The following MVB12B variants were observed in gnomAD, a reference collection of about 807,000 sequenced individuals.
The protein encoded by MVB12B is ESCRT-I complex subunit MVB12B.
Under a neutral mutation model 41.6 loss-of-function variants are expected in MVB12B, and 16 were observed. The ratio of observed to expected loss-of-function variants is 0.38; its 90% CI spans 0.26 to 0.58. MVB12B has a LOEUF of 0.58. Among genes scored for constraint, MVB12B ranks in the 20% least tolerant of loss-of-function variants. MVB12B has a pLI of 0.62. For synonymous variants in MVB12B, 133 were observed against 139.7 expected (o/e 0.95, Z 0.34); for missense variants, 274 against 380.2 (o/e 0.72, Z 2.32).
At chr9:126,492,345 C>T (rs557519022) in intron 9 of MVB12B, among the ~76,000 whole-genome samples, 18 of 151,768 alleles carry the variant, frequency 1.2e-4, no homozygotes, top group East Asian at 7.8e-4. Context: ...ACAATTACAC[C>T]GCTGCAATAG....
Position 126,340,530 on chromosome 9 carries a change from T to G in MVB12B, c.104T>G (p.Val35Gly). The change falls in exon 2 of 10, where the codon GTC becomes GGC. Residue 35 changes from valine (V) to glycine (G), a missense_variant. Val to Gly is a moderately radical substitution (Grantham distance 109). Coordinates refer to ENST00000361171, the MANE Select transcript of MVB12B (RefSeq NM_033446.3). The surrounding 1 kb of genome is among the most constrained non-coding windows in gnomAD (Gnocchi z 4.0). ...CAGGACCAGTCCACCATGCCTGAAGTCAAAGACCTCTCAGAAGCCTTGCCA... is the reference window on the plus strand; with the variant it reads ...CAGGACCAGTCCACCATGCCTGAAGGCAAAGACCTCTCAGAAGCCTTGCCA... ...RGTDQSTMPE[V>G]KDLSEALPET... 1 of 1,614,166 alleles carries G rather than the reference T, an allele frequency of 6.2e-7. No homozygotes were observed. The highest frequency in any genetic ancestry group is 8.5e-7 in the Non-Finnish European group (1 of 1,179,998).
rs185876756 is a variant in MVB12B, at chr9:126,428,633, T to A, written c.757+6685T>A. Among the ~76,000 whole-genome samples, 292 of 152,342 alleles carry A rather than the reference T, an allele frequency of 1.9e-3. 1 individual carries two copies. The highest frequency in any genetic ancestry group is 6.9e-3 in the African/African-American group (288 of 41,572). ...GTGCTTGAGAAGCGCTGTTCTCTCC[T>A]GTGTCAGGTGTGCTAACACAACTGC... On this transcript the variant is annotated intron_variant, in intron 7 of 9. Transcript: ENST00000361171.
chr9:126,475,108 T>C (rs753950568), intron 7 of MVB12B, among the ~76,000 whole-genome samples: 4 of 151,226 alleles, frequency 2.6e-5, no homozygotes, highest in Non-Finnish European at 5.9e-5. Flanking sequence ...CAGTTGGGTT[T>C]TCGGACCTAC....
intron 2 of MVB12B, among the ~76,000 whole-genome samples, chr9:126,366,474 C>G (rs985056196): frequency 1.3e-5 from 2 of 152,218 alleles, no homozygotes; most frequent in South Asian, 4.1e-4. Flanking sequence ...AACTATTGTC[C>G]ACACTTTAAC....
At chr9:126,470,502 A>G (rs987745151) in intron 7 of MVB12B, among the ~76,000 whole-genome samples, 8 of 152,030 alleles carry the variant, frequency 5.3e-5, no homozygotes, top group Non-Finnish European at 7.4e-5. Flanking sequence ...TGGACCCTGG[A>G]GGGAGGGACT....
At chr9:126,390,296 A>C (rs552511466) in intron 4 of MVB12B, among the ~76,000 whole-genome samples, 23 of 152,308 alleles carry the variant, frequency 1.5e-4, no homozygotes, top group Admixed American at 6.5e-5. Flanking sequence ...CATCCAACCC[A>C]CATCCCTGTG....
chr9:126,472,590 C>T (rs773605391), intron 7 of MVB12B, among the ~76,000 whole-genome samples: 86 of 152,144 alleles, frequency 5.7e-4, no homozygotes, highest in African/African-American at 1.9e-3. Context: ...CATTCACAAT[C>T]CCCTTGACTT....
At chr9:126,432,862 G>C (rs576708432) in intron 7 of MVB12B, among the ~76,000 whole-genome samples, 1 of 152,324 alleles carries the variant, frequency 6.6e-6, no homozygotes, top group East Asian at 1.9e-4. Flanking sequence ...ATGGCACACA[G>C]ACCTGGAGTG....
chr9:126,356,418 G>T (rs940351901), intron 2 of MVB12B, among the ~76,000 whole-genome samples: 3 of 152,018 alleles, frequency 2.0e-5, no homozygotes, highest in Admixed American at 6.6e-5. Context: ...TACGTGTTTG[G>T]TTTCTGTTGC....
intron 7 of MVB12B, among the ~76,000 whole-genome samples, chr9:126,447,132 A>G (rs1832792541): frequency 6.7e-6 from 1 of 150,372 alleles, no homozygotes; most frequent in South Asian, 2.1e-4. Context: ...TTTAGTAGAG[A>G]TGGGGTTTCA....
At chr9:126,351,607 GC>G in intron 2 of MVB12B, among the ~76,000 whole-genome samples, 1 of 148,172 alleles carries the variant, frequency 6.7e-6, no homozygotes, top group Non-Finnish European at 1.5e-5. Context: ...TCCTGCCTCA[GC>G]CCCCAAAGTA....
intron 7 of MVB12B, among the ~76,000 whole-genome samples, chr9:126,475,442 G>A (rs1033279054): frequency 6.6e-6 from 1 of 152,184 alleles, no homozygotes; most frequent in Non-Finnish European, 1.5e-5. Context: ...TGTGTACATG[G>A]ATAACATGAG....
Position 126,342,914 on chromosome 9 carries a change from C to T in MVB12B, c.204+2284C>T, listed in dbSNP as rs1393310966. On this transcript the variant is annotated intron_variant, in intron 2 of 9. Transcript: ENST00000361171. Reference sequence around the variant, plus strand: ...GAGGAAGCCCTGCTGCGGATTGGGCCGAGACCTCTCTCTGTCTGTTGTAGC... The same window carrying T: ...GAGGAAGCCCTGCTGCGGATTGGGCTGAGACCTCTCTCTGTCTGTTGTAGC... Among the ~76,000 whole-genome samples the T allele has an allele frequency of 2.6e-5, 4 of 152,164 alleles. No homozygotes were observed. The East Asian group carries it at 5.8e-4, about 22-fold the overall frequency.
intron 3 of MVB12B, among the ~76,000 whole-genome samples, chr9:126,384,656 G>A (rs954150663): frequency 4.6e-5 from 7 of 151,954 alleles, no homozygotes; most frequent in African/African-American, 1.7e-4. Flanking sequence ...AGCCTCCCAA[G>A]TAGCTGGGAC....
chr9:126,493,927 G>A (rs982459604), intron 9 of MVB12B, among the ~76,000 whole-genome samples: 1 of 152,156 alleles, frequency 6.6e-6, no homozygotes, highest in African/African-American at 2.4e-5. Context: ...GAATGCTGAG[G>A]CCTCCATCCT....
intron 6 of MVB12B, among the ~76,000 whole-genome samples, chr9:126,399,373 G>C (rs964822693): frequency 1.3e-5 from 2 of 152,248 alleles, no homozygotes; most frequent in Non-Finnish European, 2.9e-5. Context: ...ACAGGAGAGA[G>C]CTGGCCTGGG....
In MVB12B at chr9:126,392,881, A is replaced by G. The variant is rs902581296; in HGVS notation, c.539+686A>G. ...TGTGCAGCTGGAAGAGCCAGGGACA[A>G]TGTTGGGACAAGGGCGAGGGTTGGC... On this transcript the variant is annotated intron_variant, in intron 5 of 9. Transcript: ENST00000361171. The surrounding 1 kb of genome is among the most constrained non-coding windows in gnomAD (Gnocchi z 4.8). Among the ~76,000 whole-genome samples, 5 of 152,214 alleles carry G rather than the reference A, an allele frequency of 3.3e-5. No individual in the cohort carries two copies. The highest frequency in any genetic ancestry group is 7.2e-5 in the African/African-American group (3 of 41,448).
At chr9:126,475,066 G>C (rs1269209913) in intron 7 of MVB12B, among the ~76,000 whole-genome samples, 1 of 152,184 alleles carries the variant, frequency 6.6e-6, no homozygotes, top group Non-Finnish European at 1.5e-5. Flanking sequence ...GTCTCCTGCT[G>C]TTATTCCACG....
chr9:126,483,382 A>G (rs944868540), intron 8 of MVB12B, among the ~76,000 whole-genome samples: 2 of 152,208 alleles, frequency 1.3e-5, no homozygotes, highest in African/African-American at 2.4e-5. Flanking sequence ...TTAAAATGCA[A>G]TGTTATCATT....
Sources: gnomAD v4.1 joint callset for allele counts (sites outside exome capture counted in the v4.1 genomes callset) on GRCh38, gnomAD v4.1.1 for gene constraint, Gnocchi (gnomAD v3.1) non-coding constraint, MANE v1.5 for transcripts, NCBI Gene and HGNC (gene_info 2026-07-23, HGNC 2026-07-21) for gene names.